ENPP3: variants seen among roughly 807,000 people sequenced by gnomAD.
ENPP3 encodes the protein ectonucleotide pyrophosphatase/phosphodiesterase 3.
ENPP3 carries 104 observed loss-of-function variants against 117.8 expected under a neutral mutation model. That is an observed-to-expected ratio of 0.88 (90% CI 0.75 to 1.04). The LOEUF is 1.04. Ranked by LOEUF, ENPP3 falls within the 50% of genes least tolerant of loss-of-function variation. The probability of loss-of-function intolerance (pLI) is 0.00; values close to 1 mark genes in which losing one functional copy is unlikely to be tolerated. For synonymous variants in ENPP3, 380 were observed against 349.9 expected (o/e 1.09, Z -0.96); for missense variants, 1,026 against 1,051.9 (o/e 0.98, Z 0.34).
At chr6:131,727,305 C>T (rs932330435) in intron 20 of ENPP3, among the ~76,000 whole-genome samples, 2 of 152,084 alleles carry the variant, frequency 1.3e-5, no homozygotes, top group Non-Finnish European at 2.9e-5. Flanking sequence ...CCTGTAATCC[C>T]AGCACTTTGG....
At chr6:131,648,623 G>C (rs1307928571) in intron 2 of ENPP3, among the ~76,000 whole-genome samples, 1 of 152,076 alleles carries the variant, frequency 6.6e-6, no homozygotes, top group African/African-American at 2.4e-5. Context: ...ATAAGTAAAT[G>C]AATTAATTTA....
At chr6:131,659,412 T>C (rs527886063) in intron 6 of ENPP3, among the ~76,000 whole-genome samples, 14 of 152,326 alleles carry the variant, frequency 9.2e-5, no homozygotes, top group African/African-American at 2.9e-4. Context: ...AATTCCTCTC[T>C]TTCTTCTCCC....
At chr6:131,745,636 A>G (rs1780620857) in intron 24 of ENPP3, among the ~76,000 whole-genome samples, 1 of 152,222 alleles carries the variant, frequency 6.6e-6, no homozygotes, top group African/African-American at 2.4e-5. Flanking sequence ...AGGTCAAGAA[A>G]TAACTGAAAA....
intron 14 of ENPP3, among the ~76,000 whole-genome samples, chr6:131,692,248 T>C (rs1289207845): frequency 1.3e-5 from 2 of 152,154 alleles, no homozygotes; most frequent in African/African-American, 4.8e-5. Context: ...AAAGTTCCTT[T>C]GTAGTTCTAT....
intron 3 of ENPP3, among the ~76,000 whole-genome samples, chr6:131,651,884 T>C (rs1220001408): frequency 6.6e-6 from 1 of 152,230 alleles, no homozygotes; most frequent in Non-Finnish European, 1.5e-5. Context: ...AAGTTACCTA[T>C]TGAGAATGTT....
At chr6:131,734,561 CA>C (rs1302182578) in intron 21 of ENPP3, among the ~76,000 whole-genome samples, 13 of 152,096 alleles carry the variant, frequency 8.5e-5, no homozygotes, top group East Asian at 1.9e-4. Flanking sequence ...TAGATACAAT[CA>C]GGGGGTACCA....
At chr6:131,692,926 T>C (rs1779316298) in intron 14 of ENPP3, among the ~76,000 whole-genome samples, 1 of 146,062 alleles carries the variant, frequency 6.8e-6, no homozygotes, top group Non-Finnish European at 1.5e-5. Context: ...TTATACACTA[T>C]ATATGATATA....
chr6:131,639,292 T>C (rs1585604156), intron 1 of ENPP3, among the ~76,000 whole-genome samples: 1 of 148,618 alleles, frequency 6.7e-6, no homozygotes, highest in Non-Finnish European at 1.5e-5. Context: ...TCTCTCTTTT[T>C]TTTGGAGACA....
At chr6:131,663,849 T>C in intron 6 of ENPP3, among the ~76,000 whole-genome samples, 1 of 152,170 alleles carries the variant, frequency 6.6e-6, no homozygotes, top group Admixed American at 6.6e-5. Context: ...CATTACATCA[T>C]ACTTGATAAT....
At chr6:131,664,075 T>G (rs1189924895) in intron 6 of ENPP3, among the ~76,000 whole-genome samples, 1 of 152,192 alleles carries the variant, frequency 6.6e-6, no homozygotes, top group African/African-American at 2.4e-5. Context: ...GTACTACTAC[T>G]TATTTAAAAA....
intron 21 of ENPP3, among the ~76,000 whole-genome samples, chr6:131,736,078 A>G (rs1443507962): frequency 6.6e-6 from 1 of 152,232 alleles, no homozygotes; most frequent in Non-Finnish European, 1.5e-5. Flanking sequence ...ATGCCATGAG[A>G]CAAATGAAGC....
chr6:131,660,009 T>C (rs1778464602), intron 6 of ENPP3, among the ~76,000 whole-genome samples: 1 of 152,188 alleles, frequency 6.6e-6, no homozygotes, highest in African/African-American at 2.4e-5. Flanking sequence ...TTTAAAACAT[T>C]TAAAATATTT....
At chr6:131,646,237 C>T (rs910028833) in intron 2 of ENPP3, among the ~76,000 whole-genome samples, 32 of 151,148 alleles carry the variant, frequency 2.1e-4, no homozygotes, top group African/African-American at 6.6e-4. Flanking sequence ...ATTTTGTTGA[C>T]GCAGTATCTT....
chr6:131,700,685 G>T, intron 15 of ENPP3: 1 of 1,559,700 alleles, frequency 6.4e-7, no homozygotes, highest in Non-Finnish European at 8.6e-7. Flanking sequence ...GGGAGAAGCA[G>T]GTGCGGAAGG....
chr6:131,652,597 C>A lies in ENPP3; in HGVS notation c.333C>A (p.Ser111Arg), dbSNP rs188072543. The part of the protein sequence containing the change: ...FRCGETRLEA[S>R]LCSCSDDCLQ... The stretch of plus-strand genomic sequence containing the variant: ...GTGGAGAGACCAGATTAGAGGCCAG[C>A]CTTTGCTCTTGTTCAGATGACTGTT... Residue 111 changes from serine to arginine, a missense_variant, in exon 4 of 25, where the codon AGC becomes AGA. Transcript: ENST00000357639. The A allele has an allele frequency of 3.1e-6, 5 of 1,613,820 alleles. No individual in the cohort carries two copies. The East Asian group carries it at 1.1e-4, about 36-fold the overall frequency.
At chr6:131,716,892 AC>A (rs1315535087) in intron 15 of ENPP3, among the ~76,000 whole-genome samples, 1 of 150,838 alleles carries the variant, frequency 6.6e-6, no homozygotes. Flanking sequence ...AATCGCTTGA[AC>A]CCAGGAGGCA....
intron 18 of ENPP3, among the ~76,000 whole-genome samples, chr6:131,723,827 T>TCACA (rs1554268188): frequency 0.021 from 3,099 of 145,820 alleles, 65 homozygotes; most frequent in Middle Eastern, 0.12. Flanking sequence ...TCTCTCTCTC[T>TCACA]CACACACACA....
rs1442742517 is a variant in ENPP3, at chr6:131,638,385, A to G, written c.78+923A>G. On this transcript the variant is annotated intron_variant, in intron 1 of 24. Transcript: ENST00000357639. ...ACACAAGCTTCACTAAACCCTATCT[A>G]AGATCTCTTAAGAAATCTCATGTTC... The G allele has an allele frequency of 1.7e-5, 6 of 354,312 alleles. No individual in the cohort carries two copies. In the Admixed American group the frequency reaches 2.2e-4, roughly 13 times the overall value. 21.9% of individuals were successfully genotyped at this position (354,312 alleles called of 1,614,324 possible).
chr6:131,744,202 T>C (rs1307396826), intron 24 of ENPP3, among the ~76,000 whole-genome samples: 2 of 152,244 alleles, frequency 1.3e-5, no homozygotes, highest in Non-Finnish European at 2.9e-5. Context: ...TTTTGTCCTT[T>C]CCTTGTTCCT....
Sources: allele counts gnomAD v4.1 joint callset (sites outside exome capture counted in the v4.1 genomes callset), GRCh38; gene constraint gnomAD v4.1.1; transcripts MANE v1.5; gene names NCBI Gene and HGNC (gene_info 2026-07-23, HGNC 2026-07-21).